Variants in RSF1 observed in about 807,000 individuals in gnomAD.
RSF1 encodes HBV pX-associated protein 8.
RSF1 carries 13 observed loss-of-function variants against 145.2 expected under a neutral mutation model. The observed-to-expected ratio is 0.09, with a 90% CI of 0.06 to 0.14. RSF1 has a LOEUF of 0.14. RSF1 is among the 10% of genes least tolerant of loss of function. RSF1 has a pLI of 1.00. For synonymous variants in RSF1, 577 were observed against 592.6 expected, an observed-to-expected ratio of 0.97 and a Z score of 0.38; for missense variants, 1,517 against 1,718.2, an observed-to-expected ratio of 0.88 and a Z score of 2.07.
intron 1 of RSF1, among the ~76,000 whole-genome samples, chr11:77,807,360 C>T (rs1948687441): frequency 6.6e-6 from 1 of 152,120 alleles, no homozygotes. Context: ...CCCAAAGCAC[C>T]CTAGAATTAC....
chr11:77,742,669 T>C (rs181607800), intron 3 of RSF1, among the ~76,000 whole-genome samples: 17 of 152,348 alleles, frequency 1.1e-4, no homozygotes, highest in African/African-American at 2.9e-4. Flanking sequence ...CATGAAGTGA[T>C]ACTCCACTGT....
At position 77,664,372 on chromosome 11, in the gene RSF1, T is replaced by C. The variant is rs1240270582; in HGVS notation, c.*2545A>G. On this transcript the variant is annotated 3_prime_UTR_variant, in exon 16 of 16. Transcript: ENST00000308488. ...AACACTTATTCAAGTTTGGTAAATA[T>C]CAGGCAGCACAGCACAAGTGGTCTC... is the stretch of plus-strand genomic sequence containing the variant. 2 of 152,212 alleles carry C rather than the reference T, an allele frequency of 1.3e-5. No homozygotes were observed. Among genetic ancestry groups the C allele is most frequent in the Non-Finnish European group, 2.9e-5 (2 of 68,038 alleles). 9.4% of individuals were successfully genotyped at this position (152,212 alleles called of 1,614,324 possible). A position where few individuals can be genotyped will look rare whatever the true frequency, so the allele number is the denominator to read the frequency against.
intron 4 of RSF1, among the ~76,000 whole-genome samples, chr11:77,736,583 A>G (rs1198037735): frequency 1.3e-5 from 2 of 152,220 alleles, no homozygotes; most frequent in Non-Finnish European, 2.9e-5. Flanking sequence ...CCTTTGCAAC[A>G]ATGAGAGACC....
upstream of RSF1, among the ~76,000 whole-genome samples, chr11:77,825,321 T>C (rs954156534): frequency 6.6e-6 from 1 of 152,028 alleles, no homozygotes; most frequent in Non-Finnish European, 1.5e-5. Context: ...AGTAAATGTA[T>C]ATTGAGGCAA....
chr11:77,743,560 T>C (rs1054015816), intron 3 of RSF1, among the ~76,000 whole-genome samples: 2 of 152,252 alleles, frequency 1.3e-5, no homozygotes, highest in Non-Finnish European at 1.5e-5. Context: ...TTTTTGTATA[T>C]TGATTTTATA....
chr11:77,857,720 G>A, the RSF1 span, among the ~76,000 whole-genome samples: 2 of 139,128 alleles, frequency 1.4e-5, no homozygotes, highest in African/African-American at 5.3e-5. Context: ...TTTTTGAGAT[G>A]GAGTCTCGCT....
At chr11:77,817,569 C>G (rs1463691947) in intron 1 of RSF1, among the ~76,000 whole-genome samples, 2 of 152,116 alleles carry the variant, frequency 1.3e-5, no homozygotes, top group African/African-American at 4.8e-5. Context: ...TCTAGGGTGC[C>G]TTGGTGCAGT....
At chr11:77,689,073 A>C (rs561688181) in intron 9 of RSF1, among the ~76,000 whole-genome samples, 2 of 152,254 alleles carry the variant, frequency 1.3e-5, no homozygotes, top group Non-Finnish European at 2.9e-5. Flanking sequence ...AGGTAAAATC[A>C]GGAGATAATG....
chr11:77,856,632 T>A, the RSF1 span, among the ~76,000 whole-genome samples: 1 of 152,072 alleles, frequency 6.6e-6, no homozygotes, highest in African/African-American at 2.4e-5. Flanking sequence ...AAACTTACTA[T>A]CACGGCAGAA....
At chr11:77,772,145 CAAAT>C (rs1235507886) in intron 1 of RSF1, among the ~76,000 whole-genome samples, 1 of 151,706 alleles carries the variant, frequency 6.6e-6, no homozygotes, top group Non-Finnish European at 1.5e-5. Flanking sequence ...ATACTCAAGT[CAAAT>C]AAATGTATTT....
chr11:77,739,525 C>T (rs1288792776), intron 4 of RSF1: 1 of 152,156 alleles, frequency 6.6e-6, no homozygotes, highest in Non-Finnish European at 1.5e-5. Flanking sequence ...GAAACAATCT[C>T]CCATGAGATT....
chr11:77,822,967 G>A (rs1036395290), upstream of RSF1, among the ~76,000 whole-genome samples: 2 of 152,148 alleles, frequency 1.3e-5, no homozygotes, highest in Non-Finnish European at 2.9e-5. Context: ...TGTAATCCCA[G>A]CACTTTGGGA....
chr11:77,821,126 G>A (rs1565192098), upstream of RSF1: 3 of 420,752 alleles, frequency 7.1e-6, no homozygotes, highest in Admixed American at 8.0e-5. Flanking sequence ...TCAACTGCAG[G>A]GCGTATTCCC....
At chr11:77,764,738 C>A in intron 1 of RSF1, 49 bp from the exon 2 acceptor site, 1 of 1,109,958 alleles carries the variant, frequency 9.0e-7, no homozygotes, top group Non-Finnish European at 1.3e-6. Flanking sequence ...TAAAACAATT[C>A]TAAACATTTA....
chr11:77,746,165 G>T (rs953741853), intron 3 of RSF1, among the ~76,000 whole-genome samples: 4 of 152,024 alleles, frequency 2.6e-5, no homozygotes, highest in Non-Finnish European at 5.9e-5. Flanking sequence ...GACTCGCAAG[G>T]AATCACAATT....
chr11:77,688,121 G>A (rs923136958), intron 9 of RSF1, among the ~76,000 whole-genome samples: 2 of 151,966 alleles, frequency 1.3e-5, no homozygotes, highest in South Asian at 4.1e-4. Flanking sequence ...TGAAATCCTC[G>A]TCTCTACTAA....
intron 2 of RSF1, among the ~76,000 whole-genome samples, chr11:77,757,937 C>T (rs555127513): frequency 1.3e-5 from 2 of 152,106 alleles, no homozygotes; most frequent in African/African-American, 4.8e-5. Context: ...CAAGATCAGC[C>T]TGGACAACAT....
intron 1 of RSF1, among the ~76,000 whole-genome samples, chr11:77,794,545 A>T (rs879359170): frequency 3.9e-4 from 59 of 151,544 alleles, no homozygotes; most frequent in Admixed American, 2.4e-3. Context: ...ATAAAAGATT[A>T]AAAAAAAACA....
the RSF1 span, among the ~76,000 whole-genome samples, chr11:77,865,334 G>A: frequency 2.0e-5 from 3 of 152,214 alleles, no homozygotes; most frequent in Non-Finnish European, 4.4e-5. Context: ...TAGGGTGGGA[G>A]AGATGTGGAT....
Sources: allele counts gnomAD v4.1 joint callset (sites outside exome capture counted in the v4.1 genomes callset), GRCh38; gene constraint gnomAD v4.1.1; transcripts MANE v1.5; gene names NCBI Gene and HGNC (gene_info 2026-07-23, HGNC 2026-07-21).